PUS7L: variants seen among roughly 807,000 people sequenced by gnomAD.
The protein encoded by PUS7L is pseudouridylate synthase PUS7L.
Under a neutral mutation model 51.1 loss-of-function variants are expected in PUS7L, and 49 were observed. The ratio of observed to expected loss-of-function variants is 0.96; its 90% CI spans 0.76 to 1.22. PUS7L has a LOEUF of 1.22. Ranked by LOEUF, PUS7L falls within the 50% of genes most tolerant of loss-of-function variation. PUS7L has a pLI of 0.00. For missense variants in PUS7L, 828 were observed against 820.6 expected (o/e 1.01, Z -0.11); for synonymous variants, 277 against 276.2 (o/e 1.00, Z -0.03).
rs547285828 is a variant in PUS7L, at chr12:43,722,466, C to G, written c.*7910G>C. ...TTCAATGCATTGGGATAATGCTCTT[C>G]CAACTTAGAATAACTGCTTCCCAGA... On this transcript the variant is annotated 3_prime_UTR_variant, in exon 9 of 9. Transcript: ENST00000344862. The G allele has an allele frequency of 1.3e-5, 2 of 152,036 alleles. No individual in the cohort carries two copies. Among genetic ancestry groups the G allele is most frequent in the African/African-American group, 4.8e-5 (2 of 41,412 alleles). 9.4% of individuals were successfully genotyped at this position (152,036 alleles called of 1,614,324 possible).
chr12:43,719,392 G>A lies in PUS7L; in HGVS notation c.*10984C>T, dbSNP rs1270187023. 4 of 152,122 alleles carry A rather than the reference G, an allele frequency of 2.6e-5. No individual in the cohort carries two copies. Among genetic ancestry groups the A allele is most frequent in the Non-Finnish European group, 5.9e-5 (4 of 68,022 alleles). The allele number at this position is 152,122 out of a possible 1,614,324, so 9.4% of individuals were successfully genotyped here. On this transcript the variant is annotated 3_prime_UTR_variant, in exon 9 of 9. Transcript: ENST00000344862. ...TAAAAGTTGAAATAAAGCTAACCTT[G>A]GAGTTGAGGACTTGTGATTAAAGAG...
chr12:43,736,599 C>CAGG lies in PUS7L; in HGVS notation c.1506_1507insCCT (p.Leu502_Glu503insPro), dbSNP rs1296444842. ...GTCATGCCAAAGCGGTGCAATGCCT[C>CAGG]CAACAATGCTCTCTCACGCACTTTG... On this transcript the variant is annotated inframe_insertion, in exon 7 of 9. Coordinates refer to ENST00000344862, the MANE Select transcript of PUS7L (RefSeq NM_031292.5). The CAGG allele has an allele frequency of 6.2e-7, 1 of 1,614,020 alleles. No homozygotes were observed. Among genetic ancestry groups the CAGG allele is most frequent in the African/African-American group, 1.3e-5 (1 of 74,934 alleles).
In PUS7L at chr12:43,746,256, T is replaced by A. The variant is rs1382446882; in HGVS notation, c.1071-18A>T. ...TTTTCAACCTGTAAGTAATAAATCA[T>A]ATAAACTCAGTTAAATTTTACATTT... is the stretch of plus-strand genomic sequence containing the variant. On this transcript the variant is annotated intron_variant, in intron 3 of 8. Coordinates refer to ENST00000344862, the MANE Select transcript of PUS7L (RefSeq NM_031292.5). 9.3e-7 allele frequency: 1 copy of A among 1,073,434 alleles called. No homozygotes were observed. Among genetic ancestry groups the A allele is most frequent in the African/African-American group, 1.7e-5 (1 of 60,296 alleles). The allele number at this position is 1,073,434 out of a possible 1,614,324, so 66.5% of individuals were successfully genotyped here.
chr12:43,755,643 GCCTAAAATTT>G (rs1938665462), intron 1 of PUS7L, among the ~76,000 whole-genome samples: 2 of 152,290 alleles, frequency 1.3e-5, no homozygotes, highest in South Asian at 2.1e-4. Flanking sequence ...CATTCCTGGA[GCCTAAAATTT>G]CCAGCTAATT....
chr12:43,748,977 C>T (rs1422767060), intron 2 of PUS7L, among the ~76,000 whole-genome samples: 2 of 152,190 alleles, frequency 1.3e-5, no homozygotes, highest in African/African-American at 4.8e-5. Flanking sequence ...CTGCCTCGGC[C>T]TCCCAAAGTG....
chr12:43,741,147 G>C (rs1937880992), intron 5 of PUS7L: 1 of 152,160 alleles, frequency 6.6e-6, no homozygotes, highest in South Asian at 2.1e-4. Context: ...AAATTCAAGA[G>C]CATGTAATAT....
rs1233845378 is a variant in PUS7L at position 43,725,788 on chromosome 12, C to A, written c.*4588G>T. The A allele has an allele frequency of 6.6e-6, 1 of 152,104 alleles. No individual in the cohort carries two copies. The highest frequency in any genetic ancestry group is 1.5e-5 in the Non-Finnish European group (1 of 68,012). 9.4% of individuals were successfully genotyped at this position (152,104 alleles called of 1,614,324 possible). On this transcript the variant is annotated 3_prime_UTR_variant, in exon 9 of 9. Coordinates refer to ENST00000344862, the MANE Select transcript of PUS7L (RefSeq NM_031292.5). Reference sequence around the variant, plus strand: ...AAGCATAATCAAGCTCAACCACACGCTATTTTGTTTGACCTTGATTAGGTT... The same window carrying A: ...AAGCATAATCAAGCTCAACCACACGATATTTTGTTTGACCTTGATTAGGTT...
intron 6 of PUS7L, chr12:43,737,898 C>T (rs1937687458): frequency 5.8e-6 from 1 of 172,398 alleles, no homozygotes; most frequent in Non-Finnish European, 1.2e-5. Context: ...TAAAAATTGA[C>T]AGGGCTAATT....
intron 3 of PUS7L, 94 bp from the exon 4 acceptor site, chr12:43,746,332 T>C (rs1938170224): frequency 1.8e-6 from 1 of 554,598 alleles, no homozygotes; most frequent in Admixed American, 3.8e-5. Flanking sequence ...AGCAACCCCT[T>C]ATATGAGAAT....
intron 5 of PUS7L, 40 bp from the exon 6 acceptor site, chr12:43,738,431 G>A: frequency 9.7e-7 from 1 of 1,031,390 alleles, no homozygotes; most frequent in Non-Finnish European, 1.5e-6. Flanking sequence ...TAATGAAAAT[G>A]TCAAATTACT....
At position 43,722,194 on chromosome 12, in the gene PUS7L, G is replaced by A. The variant is rs147505475; in HGVS notation, c.*8182C>T. ...TATGGAGTAGTGACAGAAGCCACTT[G>A]AAGATTTGGGGCCATACTTGCAGGT... On this transcript the variant is annotated 3_prime_UTR_variant, in exon 9 of 9. Transcript: ENST00000344862. The A allele has an allele frequency of 6.6e-6, 1 of 152,268 alleles. No homozygotes were observed. The highest frequency in any genetic ancestry group is 1.5e-5 in the Non-Finnish European group (1 of 68,018). The allele number at this position is 152,268 out of a possible 1,614,324, so 9.4% of individuals were successfully genotyped here. A position where few individuals can be genotyped will look rare whatever the true frequency, so the allele number is the denominator to read the frequency against.
At position 43,754,930 on chromosome 12, in the gene PUS7L, C is replaced by A; in HGVS notation, c.316G>T (p.Glu106Ter). 1 of 1,613,862 alleles carries A rather than the reference C, an allele frequency of 6.2e-7. No homozygotes were observed. The highest frequency in any genetic ancestry group is 8.5e-7 in the Non-Finnish European group (1 of 1,179,840). ...CCATCAACGATAGTATCTTCCTTTT[C>A]TGAACCAGACTGATGATTTTGGTCA... is the stretch of plus-strand genomic sequence containing the variant. ...DGDQNHQSGS[E>*]KEDTIVDGTS... Residue 106 changes from glutamate to a stop codon, truncating the protein, a stop_gained, in exon 2 of 9, where the codon GAA (glutamate) becomes TAA (stop). Coordinates refer to ENST00000344862, the MANE Select transcript of PUS7L (RefSeq NM_031292.5). LOFTEE classifies it high-confidence loss of function.
chr12:43,745,056 T>G lies in PUS7L; in HGVS notation c.1263+990A>C, dbSNP rs1382450. ...TTGGAACACAGCCATGTTCATTCACTTATATATTGTCTGTGGCTGCTTCCA... is the reference window on the plus strand; with the variant it reads ...TTGGAACACAGCCATGTTCATTCACGTATATATTGTCTGTGGCTGCTTCCA... On this transcript the variant is annotated intron_variant, in intron 4 of 8. Coordinates refer to ENST00000344862, the MANE Select transcript of PUS7L (RefSeq NM_031292.5). 8.4e-3 allele frequency among the ~76,000 whole-genome samples: 1,278 copies of G among 152,320 alleles called. 16 individuals are homozygous for G. The highest frequency in any genetic ancestry group is 0.061 in the East Asian group (318 of 5,180).
chr12:43,746,880 T>C (rs1006733027), intron 3 of PUS7L, among the ~76,000 whole-genome samples: 3 of 152,216 alleles, frequency 2.0e-5, no homozygotes, highest in Non-Finnish European at 4.4e-5. Context: ...GAAGTGTAAT[T>C]AAAATTCCAG....
intron 5 of PUS7L, chr12:43,739,774 A>G (rs1937803812): frequency 6.6e-6 from 1 of 152,182 alleles, no homozygotes. Flanking sequence ...TTCTCCCTTA[A>G]AACTAAAAAG....
In PUS7L at chr12:43,754,662, A is replaced by G; in HGVS notation, c.584T>C (p.Ile195Thr). 6.2e-7 allele frequency: 1 copy of G among 1,613,830 alleles called. No individual in the cohort carries two copies. The highest frequency in any genetic ancestry group is 8.5e-7 in the Non-Finnish European group (1 of 1,179,828). The change falls in exon 2 of 9, where the codon ATT becomes ACT. Residue 195 changes from isoleucine to threonine, a missense_variant. Ile to Thr is a moderately conservative substitution (Grantham distance 89, BLOSUM62 -1). Transcript: ENST00000344862. ...ATATTCAAGATTTGGTTTTACAACA[A>G]TTTCACTGTTTTTTCCTACAGTTAC... is the stretch of plus-strand genomic sequence containing the variant. ...FLVTVGKNSE[I>T]VVKPNLEYKE...
At chr12:43,751,650 A>G (rs1938452273) in intron 2 of PUS7L, among the ~76,000 whole-genome samples, 2 of 152,190 alleles carry the variant, frequency 1.3e-5, no homozygotes, top group Admixed American at 6.5e-5. Context: ...TAGTGCTGCA[A>G]TAAACATACG....
intron 7 of PUS7L, among the ~76,000 whole-genome samples, chr12:43,733,081 T>C (rs1944598306): frequency 6.6e-6 from 1 of 152,220 alleles, no homozygotes; most frequent in Non-Finnish European, 1.5e-5. Context: ...CAGCAATTCA[T>C]GAACAAACAT....
intron 5 of PUS7L, among the ~76,000 whole-genome samples, chr12:43,741,964 AT>A (rs1233380795): frequency 6.6e-5 from 10 of 152,164 alleles, no homozygotes; most frequent in Non-Finnish European, 1.5e-4. Context: ...CATATAAAAA[AT>A]ATAAATTAAA....
Sources: allele counts gnomAD v4.1 joint callset (sites outside exome capture counted in the v4.1 genomes callset), GRCh38; gene constraint gnomAD v4.1.1; transcripts MANE v1.5; gene names NCBI Gene and HGNC (gene_info 2026-07-23, HGNC 2026-07-21).